PTGFRN: variants seen among roughly 807,000 people sequenced by gnomAD.
PTGFRN encodes prostaglandin F2 receptor inhibitor, also known as prostaglandin F2 receptor negative regulator.
A neutral mutation model predicts 83.2 loss-of-function variants in PTGFRN; 35 were observed. That is an observed-to-expected ratio of 0.42 (90% confidence interval 0.32 to 0.56). The LOEUF (loss-of-function observed/expected upper bound fraction) is 0.56. Among genes scored for constraint, PTGFRN ranks in the 20% least tolerant of loss-of-function variants. The pLI is 0.11. For synonymous variants in PTGFRN, 519 were observed against 498.6 expected, an observed-to-expected ratio of 1.04 and a Z score of -0.55; for missense variants, 1,051 against 1,179.5, an observed-to-expected ratio of 0.89 and a Z score of 1.60.
intron 1 of PTGFRN, among the ~76,000 whole-genome samples, chr1:116,915,657 C>T (rs1352085083): frequency 2.6e-5 from 4 of 152,188 alleles, no homozygotes; most frequent in Non-Finnish European, 4.4e-5. Flanking sequence ...AGCTGCTGAG[C>T]TGATTTTCCC....
intron 1 of PTGFRN, among the ~76,000 whole-genome samples, chr1:116,915,127 A>T (rs1649368530): frequency 6.6e-6 from 1 of 152,228 alleles, no homozygotes; most frequent in Non-Finnish European, 1.5e-5. Flanking sequence ...TGCTAAGGAA[A>T]AGTTTACTAA....
At chr1:116,921,612 G>T (rs1649536731) in intron 1 of PTGFRN, among the ~76,000 whole-genome samples, 1 of 150,466 alleles carries the variant, frequency 6.6e-6, no homozygotes, top group Admixed American at 6.6e-5. Flanking sequence ...ACAGGACATT[G>T]CTACTTTGCT....
rs1223049425 is a variant in PTGFRN at position 116,910,209 on chromosome 1, G to A, written c.6G>A (p.Gly2=). ...GTCGCTCCCGCCGGGCGAGCATGGGGCGCCTGGCCTCGAGGCCGCTGCTGC... is the reference window on the plus strand; with the variant it reads ...GTCGCTCCCGCCGGGCGAGCATGGGACGCCTGGCCTCGAGGCCGCTGCTGC... The part of the protein sequence containing the change: M[G]RLASRPLLLA... The change falls in exon 1 of 9, where the codon GGG becomes GGA. Residue 2 remains glycine, a synonymous_variant. Coordinates refer to ENST00000393203, the MANE Select transcript of PTGFRN (RefSeq NM_020440.4). 1 of 1,473,170 alleles carries A rather than the reference G, an allele frequency of 6.8e-7. No individual in the cohort carries two copies. The highest frequency in any genetic ancestry group is 8.9e-7 in the Non-Finnish European group (1 of 1,118,750). 91.3% of individuals were successfully genotyped at this position (1,473,170 alleles called of 1,614,324 possible).
At chr1:116,976,174 A>G (rs1170348040) in intron 7 of PTGFRN, among the ~76,000 whole-genome samples, 1 of 152,246 alleles carries the variant, frequency 6.6e-6, no homozygotes, top group Non-Finnish European at 1.5e-5. Context: ...GTTTAGAGAA[A>G]AAAGAGTAAA....
In PTGFRN at chr1:116,944,735, C is replaced by A; in HGVS notation, c.475C>A (p.Leu159Met). 1.4e-6 allele frequency: 2 copies of A among 1,478,486 alleles called. No individual in the cohort carries two copies. The highest frequency in any genetic ancestry group is 2.5e-5 in the Admixed American group (1 of 39,246). 91.6% of individuals were successfully genotyped at this position (1,478,486 alleles called of 1,614,324 possible). The change falls in exon 3 of 9, where the codon CTG becomes ATG. Residue 159 changes from leucine to methionine, a missense_variant. Leu to Met is a conservative substitution (Grantham distance 15). This residue lies in a region of PTGFRN where 205 missense variants were observed against 174.5 expected (regional missense o/e 1.17). Transcript: ENST00000393203. ...PSARPPPSLS[L>M]REGEPFELRC... is the part of the protein sequence containing the mutation. ...CGCGCGGCCCCCGCCGAGCCTGAGC[C>A]TGCGGGAGGGGGAGCCCTTCGAGCT...
rs1649578684 is a variant in PTGFRN, at chr1:116,923,153, CT to C, written c.49+12902del. On this transcript the variant is annotated intron_variant, in intron 1 of 8. Coordinates refer to ENST00000393203, the MANE Select transcript of PTGFRN (RefSeq NM_020440.4). This position sits in a 1 kb window ranked among gnomAD's most constrained non-coding sequence, Gnocchi z 4.0. ...AAGCAGCTCGAAAGCAGGATCATGT[CT>C]GTTTTTGCTTACCCCAGCATGTAGG... Among the ~76,000 whole-genome samples, 1 of 152,150 alleles carries C rather than the reference CT, an allele frequency of 6.6e-6. No homozygotes were observed. Among genetic ancestry groups the C allele is most frequent in the African/African-American group, 2.4e-5 (1 of 41,430 alleles).
chr1:116,935,358 G>A (rs1328640926), intron 1 of PTGFRN, among the ~76,000 whole-genome samples: 1 of 152,090 alleles, frequency 6.6e-6, no homozygotes, highest in Non-Finnish European at 1.5e-5. Context: ...AAAGGCAGTG[G>A]GTATTGTTGA....
Position 116,961,718 on chromosome 1 carries a change from C to G in PTGFRN, c.1639+50C>G. 1 of 1,528,162 alleles carries G rather than the reference C, an allele frequency of 6.5e-7. No homozygotes were observed. Among genetic ancestry groups the G allele is most frequent in the Non-Finnish European group, 8.9e-7 (1 of 1,128,528 alleles). 94.7% of individuals were successfully genotyped at this position (1,528,162 alleles called of 1,614,324 possible). On this transcript the variant is annotated intron_variant, in intron 5 of 8. Coordinates refer to ENST00000393203, the MANE Select transcript of PTGFRN (RefSeq NM_020440.4). This position sits in a 1 kb window ranked among gnomAD's most constrained non-coding sequence, Gnocchi z 5.4. ...ATTTTTGTTTTGTCTTTGCTTAAGT[C>G]GTGCCGCTGTGTGTTGATGCACAGT...
chr1:116,984,746 T>C lies in PTGFRN; in HGVS notation c.2234T>C (p.Leu745Pro), dbSNP rs749906476. The change falls in exon 8 of 9, where the codon CTC (leucine) becomes CCC (proline). Residue 745 changes from leucine (L) to proline (P), a missense_variant. By Grantham distance (98) the Leu-to-Pro change is moderately conservative. Coordinates refer to ENST00000393203, the MANE Select transcript of PTGFRN (RefSeq NM_020440.4). ...TTTGGCCTGGACAAGGCTCCTGTGC[T>C]CCTGTCTTCCCTGGATCGGAAGGGC... ...HSFGLDKAPVLLSSLDRKGIV... is the reference protein window; with the variant it reads ...HSFGLDKAPVPLSSLDRKGIV... 1.6e-5 allele frequency: 26 copies of C among 1,614,016 alleles called. No homozygotes were observed. The African/African-American group carries it at 2.3e-4, about 14-fold the overall frequency.
chr1:116,987,251 A>T lies in PTGFRN; in HGVS notation c.*284A>T, dbSNP rs554927923. ...ACCTTCATCTAATTTTTTTTCTCCC[A>T]CTGGTTTATAGATCCTCTGACTTGT... On this transcript the variant is annotated 3_prime_UTR_variant, in exon 9 of 9. Transcript: ENST00000393203. The T allele has an allele frequency of 4.8e-5, 16 of 335,550 alleles. No individual in the cohort carries two copies. The highest frequency in any genetic ancestry group is 3.0e-4 in the African/African-American group (14 of 47,072). 20.8% of individuals were successfully genotyped at this position (335,550 alleles called of 1,614,324 possible). A position where few individuals can be genotyped will look rare whatever the true frequency, so the allele number is the denominator to read the frequency against.
At position 116,944,743 on chromosome 1, in the gene PTGFRN, G is replaced by T. The variant is rs772434205; in HGVS notation, c.483G>T (p.Glu161Asp). The T allele has an allele frequency of 1.3e-6, 2 of 1,487,276 alleles. No individual in the cohort carries two copies. The highest frequency in any genetic ancestry group is 1.8e-6 in the Non-Finnish European group (2 of 1,126,112). 92.1% of individuals were successfully genotyped at this position (1,487,276 alleles called of 1,614,324 possible). ...CCCCGCCGAGCCTGAGCCTGCGGGAGGGGGAGCCCTTCGAGCTGCGCTGCA... is the reference window on the plus strand; with the variant it reads ...CCCCGCCGAGCCTGAGCCTGCGGGATGGGGAGCCCTTCGAGCTGCGCTGCA... ...ARPPPSLSLR[E>D]GEPFELRCTA... is the part of the protein sequence containing the mutation. The change falls in exon 3 of 9, where the codon GAG becomes GAT. Residue 161 changes from glutamate to aspartate, a missense_variant. This residue lies in a region of PTGFRN where 205 missense variants were observed against 174.5 expected (regional missense o/e 1.17). Coordinates refer to ENST00000393203, the MANE Select transcript of PTGFRN (RefSeq NM_020440.4).
rs758581583 is a variant in PTGFRN, at chr1:116,949,272, C to A, written c.913C>A (p.Arg305=). ...CCTGACCTGTAACATCACAACAGAC[C>A]GAGCCGATGACGTCCGGCCCGAGGT... The part of the protein sequence containing the change: ...LDLTCNITTD[R]ADDVRPEVTW... The change falls in exon 4 of 9, where the codon CGA becomes AGA. Residue 305 remains arginine (R), a synonymous_variant. Transcript: ENST00000393203. 3.1e-6 allele frequency: 5 copies of A among 1,613,284 alleles called. No homozygotes were observed. The highest frequency in any genetic ancestry group is 3.4e-6 in the Non-Finnish European group (4 of 1,179,944).
At chr1:116,976,634 G>A (rs1651163617) in intron 7 of PTGFRN, among the ~76,000 whole-genome samples, 1 of 152,200 alleles carries the variant, frequency 6.6e-6, no homozygotes, top group Admixed American at 6.5e-5. Flanking sequence ...AGCTTCAGAA[G>A]TGAAGAAGAA....
In PTGFRN at chr1:116,983,498, C is replaced by CA. The variant is rs71096893; in HGVS notation, c.2168-1158dup. On this transcript the variant is annotated intron_variant, in intron 7 of 8. Transcript: ENST00000393203. ...AGTTTCCTTGGAGAGACACTGGGAA[C>CA]AAAAAAAAAAAAAAAAAAAAAAAAT... Among the ~76,000 whole-genome samples the CA allele has an allele frequency of 7.4e-3, 765 of 103,972 alleles. 8 individuals carry two copies. The highest frequency in any genetic ancestry group is 0.011 in the African/African-American group (288 of 27,264). 68.2% of individuals were successfully genotyped at this position (103,972 alleles called of 152,430 possible).
chr1:116,941,750 G>T lies in PTGFRN; in HGVS notation c.85G>T (p.Ala29Ser). 6.2e-7 allele frequency: 1 copy of T among 1,614,012 alleles called. No homozygotes were observed. The highest frequency in any genetic ancestry group is 8.5e-7 in the Non-Finnish European group (1 of 1,179,960). ...CRGRVVRVPTATLVRVVGTEL... is the reference protein window; with the variant it reads ...CRGRVVRVPTSTLVRVVGTEL... ...AGGGCGTGTGGTGAGAGTCCCCACA[G>T]CGACCCTGGTTCGAGTGGTGGGCAC... Residue 29 changes from alanine (A) to serine (S), a missense_variant, in exon 2 of 9, where the codon GCG (alanine) becomes TCG (serine). Ala to Ser is a moderately conservative substitution (Grantham distance 99). Coordinates refer to ENST00000393203, the MANE Select transcript of PTGFRN (RefSeq NM_020440.4). This position sits in a 1 kb window ranked among gnomAD's most constrained non-coding sequence, Gnocchi z 5.0.
chr1:116,961,469 G>A lies in PTGFRN; in HGVS notation c.1440G>A (p.Lys480=), dbSNP rs1157215938. The A allele has an allele frequency of 6.2e-7, 1 of 1,614,218 alleles. No individual in the cohort carries two copies. The highest frequency in any genetic ancestry group is 1.7e-5 in the Admixed American group (1 of 60,032). ...DWTLKYGERS[K]QRAQDGDFIF... The stretch of plus-strand genomic sequence containing the variant: ...CGCTAAAATATGGAGAGAGGAGCAA[G>A]CAGCGGGCCCAGGATGGAGACTTTA... The change falls in exon 5 of 9, where the codon AAG becomes AAA. Residue 480 remains lysine, a synonymous_variant. Transcript: ENST00000393203. The surrounding 1 kb of genome is among the most constrained non-coding windows in gnomAD (Gnocchi z 5.4).
Position 116,944,903 on chromosome 1 carries a change from T to C in PTGFRN, c.643T>C (p.Tyr215His), listed in dbSNP as rs927515469. 4.3e-6 allele frequency: 7 copies of C among 1,612,038 alleles called. No individual in the cohort carries two copies. The highest frequency in any genetic ancestry group is 5.9e-6 in the Non-Finnish European group (7 of 1,179,912). The change falls in exon 3 of 9, where the codon TAC becomes CAC. Residue 215 changes from tyrosine to histidine, a missense_variant. Tyr to His is a moderately conservative substitution (Grantham distance 83, BLOSUM62 2). Transcript: ENST00000393203. ...CCCGGGCCTGGGGTACGAGCAGCGC[T>C]ACCACAGTGGGGACGTGCGCCTCGA... The part of the protein sequence containing the change: ...FHPGLGYEQR[Y>H]HSGDVRLDTV...
At chr1:116,921,616 CT>C (rs1649536832) in intron 1 of PTGFRN, among the ~76,000 whole-genome samples, 1 of 151,820 alleles carries the variant, frequency 6.6e-6, no homozygotes, top group African/African-American at 2.4e-5. Context: ...GACATTGCTA[CT>C]TTGCTTTGTA....
intron 7 of PTGFRN, among the ~76,000 whole-genome samples, chr1:116,976,993 G>A (rs1471118678): frequency 6.6e-6 from 1 of 152,076 alleles, no homozygotes; most frequent in Non-Finnish European, 1.5e-5. Flanking sequence ...CGCGTGCAGA[G>A]ACACACATAG....
Sources: allele counts gnomAD v4.1 joint callset (sites outside exome capture counted in the v4.1 genomes callset), GRCh38; gene constraint gnomAD v4.1.1; regional missense constraint gnomAD v4.1.1; non-coding constraint Gnocchi (gnomAD v3.1); transcripts MANE v1.5; gene names NCBI Gene and HGNC (gene_info 2026-07-23, HGNC 2026-07-21).